The following ELF1 variants were observed in gnomAD, a reference collection of about 807,000 sequenced individuals.
The protein encoded by ELF1 is E74 like ETS transcription factor 1.
ELF1 carries 24 observed loss-of-function variants against 59.9 expected under a neutral mutation model. The ratio of observed to expected loss-of-function variants is 0.40; its 90% CI spans 0.29 to 0.56. ELF1 has a LOEUF of 0.56. ELF1 is among the 20% of genes least tolerant of loss of function. ELF1 has a pLI of 0.44. For synonymous variants in ELF1, 248 were observed against 266.2 expected (o/e 0.93, Z 0.67); for missense variants, 627 against 742.2 (o/e 0.84, Z 1.80).
At chr13:41,026,828 G>A (rs1480405902) in intron 1 of ELF1, among the ~76,000 whole-genome samples, 1 of 152,222 alleles carries the variant, frequency 6.6e-6, no homozygotes, top group African/African-American at 2.4e-5. Flanking sequence ...AAAGGCACAA[G>A]TTACATGAAA....
At chr13:40,964,879 C>T (rs116411733) in intron 2 of ELF1, among the ~76,000 whole-genome samples, 2 of 152,076 alleles carry the variant, frequency 1.3e-5, no homozygotes, top group Admixed American at 6.5e-5. Context: ...GGAGTAAGGG[C>T]TCCCCTCTCC....
upstream of ELF1, among the ~76,000 whole-genome samples, chr13:41,020,296 A>G (rs1875637884): frequency 6.6e-6 from 1 of 152,256 alleles, no homozygotes; most frequent in Non-Finnish European, 1.5e-5. Context: ...AAGAGCTTAA[A>G]TTAATCAAAA....
chr13:41,024,967 C>A (rs1346768529), intron 1 of ELF1, among the ~76,000 whole-genome samples: 4 of 152,136 alleles, frequency 2.6e-5, no homozygotes, highest in African/African-American at 4.8e-5. Flanking sequence ...CATCACTCTG[C>A]TATTAGAGAA....
intron 1 of ELF1, among the ~76,000 whole-genome samples, chr13:41,010,457 CA>C (rs1874993826): frequency 7.5e-6 from 1 of 133,888 alleles, no homozygotes; most frequent in Non-Finnish European, 1.6e-5. Flanking sequence ...ATCTCCCCCC[CA>C]CCCCCCCAAA....
chr13:40,967,875 G>C (rs935640101), intron 2 of ELF1, among the ~76,000 whole-genome samples: 3 of 152,066 alleles, frequency 2.0e-5, no homozygotes, highest in African/African-American at 7.2e-5. Context: ...TTATAGGTGT[G>C]AGCCACCATG....
At chr13:41,046,868 C>G (rs1034312894) in intron 1 of ELF1, among the ~76,000 whole-genome samples, 1 of 152,146 alleles carries the variant, frequency 6.6e-6, no homozygotes, top group African/African-American at 2.4e-5. Context: ...TGGATTATAT[C>G]CTGAAGAGTG....
At chr13:41,046,143 C>A (rs1320491580) in intron 1 of ELF1, among the ~76,000 whole-genome samples, 2 of 152,116 alleles carry the variant, frequency 1.3e-5, no homozygotes, top group African/African-American at 2.4e-5. Flanking sequence ...CTTAGTAGAT[C>A]TTCCTCCATC....
chr13:41,045,310 C>T (rs1240699301), intron 1 of ELF1, among the ~76,000 whole-genome samples: 5 of 148,296 alleles, frequency 3.4e-5, no homozygotes, highest in African/African-American at 7.3e-5. Flanking sequence ...TCTGCTCTTA[C>T]TTATTTCTTG....
In ELF1 at chr13:40,949,937, A is replaced by G; in HGVS notation, c.398T>C (p.Val133Ala). 6.2e-7 allele frequency: 1 copy of G among 1,613,708 alleles called. No homozygotes were observed. Residue 133 changes from valine to alanine, a missense_variant, in exon 5 of 9, where the codon GTT becomes GCT. This residue lies in a region of ELF1 where 232 missense variants were observed against 269.2 expected (regional missense o/e 0.86). Coordinates refer to ENST00000239882, the MANE Select transcript of ELF1 (RefSeq NM_172373.4). Reference sequence around the variant, plus strand: ...GGACACATGGGTGACTGGGGCAACAACCATGTCATCTTCAGGTGAACTAAA... The same window carrying G: ...GGACACATGGGTGACTGGGGCAACAGCCATGTCATCTTCAGGTGAACTAAA... Reference protein sequence around the residue: ...NIFSSPEDDMVVAPVTHVSVT... With the variant: ...NIFSSPEDDMAVAPVTHVSVT...
intron 2 of ELF1, among the ~76,000 whole-genome samples, chr13:40,972,980 C>T (rs1370483077): frequency 6.6e-6 from 1 of 152,118 alleles, no homozygotes; most frequent in Non-Finnish European, 1.5e-5. Flanking sequence ...GAGGAGATTA[C>T]AGATAGCTGG....
intron 1 of ELF1, among the ~76,000 whole-genome samples, chr13:40,995,152 C>T (rs760398192): frequency 1.3e-5 from 2 of 152,170 alleles, no homozygotes; most frequent in Admixed American, 6.5e-5. Flanking sequence ...TCACTTCATG[C>T]TCATTATTAG....
intron 2 of ELF1, among the ~76,000 whole-genome samples, chr13:40,967,900 TTTA>T (rs1408696114): frequency 7.9e-5 from 12 of 152,120 alleles, no homozygotes; most frequent in Admixed American, 6.5e-4. Context: ...GTCCTTTTTG[TTTA>T]TTAATTATTT....
At chr13:41,049,367 G>T (rs1876990735) in intron 1 of ELF1, among the ~76,000 whole-genome samples, 1 of 152,188 alleles carries the variant, frequency 6.6e-6, no homozygotes, top group South Asian at 2.1e-4. Flanking sequence ...TAAACAGGTA[G>T]TTTACAGTTA....
At position 40,982,279 on chromosome 13, in the gene ELF1, T is replaced by C; in HGVS notation, c.-225A>G. On this transcript the variant is annotated 5_prime_UTR_variant, in exon 2 of 9. Transcript: ENST00000239882. ...GAAATTTTTCTTCTCTCAAGCTTCT[T>C]GGCCTAAAAAACAAAAGCTCAGATT... 2 of 1,257,878 alleles carry C rather than the reference T, an allele frequency of 1.6e-6. No individual in the cohort carries two copies. The highest frequency in any genetic ancestry group is 5.7e-5 in the South Asian group (2 of 35,206). The allele number at this position is 1,257,878 out of a possible 1,614,324, so 77.9% of individuals were successfully genotyped here. A position where few individuals can be genotyped will look rare whatever the true frequency, so the allele number is the denominator to read the frequency against.
chr13:41,060,942 G>A, exon 1 of ELF1: 3 of 352,792 alleles, frequency 8.5e-6, no homozygotes, highest in Non-Finnish European at 1.7e-5. Flanking sequence ...CGCCGCCGCC[G>A]CCGCTGCTGC....
chr13:41,040,631 C>G (rs539128437), intron 1 of ELF1, among the ~76,000 whole-genome samples: 1 of 152,102 alleles, frequency 6.6e-6, no homozygotes, highest in Non-Finnish European at 1.5e-5. Flanking sequence ...GTACAGTTCA[C>G]AATACGGTTC....
chr13:40,989,330 C>A (rs1321870162), intron 1 of ELF1, among the ~76,000 whole-genome samples: 4 of 152,276 alleles, frequency 2.6e-5, no homozygotes, highest in Admixed American at 1.3e-4. Context: ...GCAAACAAAT[C>A]ATTTCATTGC....
At chr13:40,980,899 C>T (rs1660349286) in intron 2 of ELF1, among the ~76,000 whole-genome samples, 1 of 152,052 alleles carries the variant, frequency 6.6e-6, no homozygotes, top group South Asian at 2.1e-4. Context: ...ACCTGTTATC[C>T]TCCCTAGTCA....
intron 1 of ELF1, among the ~76,000 whole-genome samples, chr13:41,010,049 T>C (rs1226758762): frequency 7.1e-6 from 1 of 140,824 alleles, no homozygotes; most frequent in Non-Finnish European, 1.6e-5. Flanking sequence ...GAATAGCATA[T>C]TGAAAAAAAA....
Sources: allele counts gnomAD v4.1 joint callset (sites outside exome capture counted in the v4.1 genomes callset), GRCh38; gene constraint gnomAD v4.1.1; regional missense constraint gnomAD v4.1.1; transcripts MANE v1.5; gene names NCBI Gene and HGNC (gene_info 2026-07-23, HGNC 2026-07-21).